FANCD2OS: variants seen among roughly 807,000 people sequenced by gnomAD.
FANCD2OS encodes FANCD2 opposite strand.
FANCD2OS carries 11 observed loss-of-function variants against 13.2 expected under a neutral mutation model. That is an observed-to-expected ratio of 0.83 (90% CI 0.52 to 1.38). The LOEUF is 1.38. Among genes scored for constraint, FANCD2OS ranks in the 40% most tolerant of loss-of-function variants. The pLI, the probability that FANCD2OS is intolerant of heterozygous loss-of-function variation, is 0.00. For synonymous variants in FANCD2OS, 69 were observed against 84.5 expected (o/e 0.82, Z 1.01); for missense variants, 217 against 213.9 (o/e 1.01, Z -0.09).
At chr3:10,088,643 G>GA (rs1333177247) in intron 2 of FANCD2OS, 2 of 1,093,720 alleles carry the variant, frequency 1.8e-6, no homozygotes, top group African/African-American at 3.1e-5. Context: ...GTGGGAATTT[G>GA]AAAACAATGA....
Position 10,104,056 on chromosome 3 carries a change from T to A in FANCD2OS, c.*185A>T, listed in dbSNP as rs1695399524. On this transcript the variant is annotated 3_prime_UTR_variant, in exon 2 of 2. Coordinates refer to ENST00000450660, the MANE Select transcript of FANCD2OS (RefSeq NM_001164839.2). Reference sequence around the variant, plus strand: ...TTACAATGGGAATGTTCTTCCTTGTTCTCTATCATTGGTCCTTTTTTGGAG... The same window carrying A: ...TTACAATGGGAATGTTCTTCCTTGTACTCTATCATTGGTCCTTTTTTGGAG... 3.4e-6 allele frequency: 2 copies of A among 594,552 alleles called. No individual in the cohort carries two copies. The highest frequency in any genetic ancestry group is 3.4e-5 in the Admixed American group (1 of 29,840). The allele number at this position is 594,552 out of a possible 1,614,324, so 36.8% of individuals were successfully genotyped here. A position where few individuals can be genotyped will look rare whatever the true frequency, so the allele number is the denominator to read the frequency against.
At chr3:10,103,359 G>A (rs1196997606), downstream of FANCD2OS, among the ~76,000 whole-genome samples, 1 of 152,194 alleles carries the variant, frequency 6.6e-6, no homozygotes, top group East Asian at 1.9e-4. Context: ...CCGAGATGGC[G>A]CCACTGCACT....
chr3:10,091,931 G>A (rs972116937), intron 2 of FANCD2OS, among the ~76,000 whole-genome samples: 1 of 152,120 alleles, frequency 6.6e-6, no homozygotes, highest in Non-Finnish European at 1.5e-5. Context: ...TGTTGCAAAG[G>A]CTTTTACTTA....
At position 10,094,389 on chromosome 3, in the gene FANCD2OS, G is replaced by A. The variant is rs35678855; in HGVS notation, c.*43+9809C>T. Reference sequence around the variant, plus strand: ...GTAAGAGCTAAGAGCAGAGAACAAAGATATGCACTGAAGAGTTGCTCAGAA... The same window carrying A: ...GTAAGAGCTAAGAGCAGAGAACAAAAATATGCACTGAAGAGTTGCTCAGAA... On this transcript the variant is annotated intron_variant, in intron 2 of 2. Transcript: ENST00000524279. The A allele has an allele frequency of 5.8e-4, 921 of 1,583,902 alleles. 9 individuals carry two copies. The East Asian group carries it at 0.017, about 30-fold the overall frequency.
At chr3:10,085,172 T>C (rs1407030111) in intron 2 of FANCD2OS, among the ~76,000 whole-genome samples, 1 of 152,124 alleles carries the variant, frequency 6.6e-6, no homozygotes, top group Non-Finnish European at 1.5e-5. Flanking sequence ...ATCTCTAAAA[T>C]ATAGGGAATG....
chr3:10,093,320 G>A lies in FANCD2OS; in HGVS notation c.*43+10878C>T, dbSNP rs759280640. 2.5e-6 allele frequency: 4 copies of A among 1,611,780 alleles called. No individual in the cohort carries two copies. In the South Asian group the frequency reaches 4.4e-5, roughly 18 times the overall value. ...GTCATCCTGTTCTGCATGTATGTTT[G>A]AAGGTGAGAGATTTACTGGGCCCTG... On this transcript the variant is annotated intron_variant, in intron 2 of 2. Transcript: ENST00000524279.
intron 2 of FANCD2OS, among the ~76,000 whole-genome samples, chr3:10,091,007 C>T (rs962639436): frequency 6.6e-6 from 1 of 151,842 alleles, no homozygotes; most frequent in African/African-American, 2.4e-5. Flanking sequence ...GCCTGCTAAC[C>T]AGAACGGAGC....
In FANCD2OS at chr3:10,088,626, C is replaced by CT. The variant is rs1243204479; in HGVS notation, c.*44-7096dup. Reference sequence around the variant, plus strand: ...GTTTGTCAGAGACTGGACAAATGACCTTTTTAGTGGGAATTTGAAAACAAT... The same window carrying CT: ...GTTTGTCAGAGACTGGACAAATGACCTTTTTTAGTGGGAATTTGAAAACAAT... On this transcript the variant is annotated intron_variant, in intron 2 of 2. Transcript: ENST00000524279. 1.1e-5 allele frequency: 13 copies of CT among 1,146,184 alleles called. No homozygotes were observed. The Admixed American group carries it at 2.3e-4, about 21-fold the overall frequency. The allele number at this position is 1,146,184 out of a possible 1,614,324, so 71.0% of individuals were successfully genotyped here.
rs996626155 is a variant in FANCD2OS, at chr3:10,108,114, C to G, written c.-108G>C. On this transcript the variant is annotated 5_prime_UTR_variant, in exon 1 of 2. Transcript: ENST00000450660. ...CTGCCGAGAGTGCGAGAGGCTCCCA[C>G]TCCCCGCCGGAAGAAGGGGCTTGGG... The G allele has an allele frequency of 1.3e-5, 2 of 152,390 alleles. No individual in the cohort carries two copies. Among genetic ancestry groups the G allele is most frequent in the African/African-American group, 4.8e-5 (2 of 41,456 alleles). The allele number at this position is 152,390 out of a possible 1,614,324, so 9.4% of individuals were successfully genotyped here.
intron 2 of FANCD2OS, among the ~76,000 whole-genome samples, chr3:10,097,818 C>T (rs7622679): frequency 0.026 from 3,963 of 152,208 alleles, 182 homozygotes; most frequent in African/African-American, 0.091. Context: ...TTAGAGATTA[C>T]AGTAAAGACA....
chr3:10,084,665 A>G (rs1694071539), intron 2 of FANCD2OS, among the ~76,000 whole-genome samples: 1 of 152,200 alleles, frequency 6.6e-6, no homozygotes, highest in African/African-American at 2.4e-5. Context: ...AAGCTATGGT[A>G]GACCAAAAAC....
At chr3:10,090,740 G>C (rs1405652966) in intron 2 of FANCD2OS, among the ~76,000 whole-genome samples, 1 of 152,192 alleles carries the variant, frequency 6.6e-6, no homozygotes, top group Non-Finnish European at 1.5e-5. Context: ...TTACAGACGT[G>C]CGCCACTGCG....
Position 10,104,769 on chromosome 3 carries a change from T to A in FANCD2OS, c.6A>T (p.Ala2=), listed in dbSNP as rs1278712873. The change falls in exon 2 of 2, where the codon GCA becomes GCT. Residue 2 remains alanine (A), a synonymous_variant. Transcript: ENST00000450660. M[A]GYQLWSPWTP... Reference sequence around the variant, plus strand: ...TCCATGGTGACCAGAGCTGGTATCCTGCCATTGACAGTCCTAAAGGAGGGA... The same window carrying A: ...TCCATGGTGACCAGAGCTGGTATCCAGCCATTGACAGTCCTAAAGGAGGGA... 8 of 1,575,900 alleles carry A rather than the reference T, an allele frequency of 5.1e-6. No individual in the cohort carries two copies. The South Asian group carries it at 9.4e-5, about 19-fold the overall frequency.
At chr3:10,094,142 A>AAAT in intron 2 of FANCD2OS, 1 of 678,774 alleles carries the variant, frequency 1.5e-6, no homozygotes. Flanking sequence ...TACATTCTCC[A>AAAT]AATAAACCTT....
chr3:10,081,449 A>G lies in FANCD2OS; in HGVS notation c.*126T>C, dbSNP rs759516610. Reference sequence around the variant, plus strand: ...TATCAGAGGCTGCTGCAGATTTTTCATGGGCTTTTTGCTTGGTAAGTATGT... The same window carrying G: ...TATCAGAGGCTGCTGCAGATTTTTCGTGGGCTTTTTGCTTGGTAAGTATGT... On this transcript the variant is annotated 3_prime_UTR_variant, in exon 3 of 3. Transcript: ENST00000524279. 13 of 1,612,856 alleles carry G rather than the reference A, an allele frequency of 8.1e-6. No individual in the cohort carries two copies. The highest frequency in any genetic ancestry group is 1.7e-5 in the Admixed American group (1 of 59,992).
intron 2 of FANCD2OS, among the ~76,000 whole-genome samples, chr3:10,096,933 C>G (rs1209879936): frequency 6.6e-6 from 1 of 152,000 alleles, no homozygotes; most frequent in Non-Finnish European, 1.5e-5. Flanking sequence ...TTCTATTTTC[C>G]TAAGTGTCAG....
Position 10,093,306 on chromosome 3 carries a change from C to T in FANCD2OS, c.*43+10892G>A, listed in dbSNP as rs771698231. 2.2e-5 allele frequency: 35 copies of T among 1,613,200 alleles called. No homozygotes were observed. The highest frequency in any genetic ancestry group is 2.9e-5 in the Non-Finnish European group (34 of 1,179,270). ...CCAGGTATTTGATAGTCATCCTGTTCTGCATGTATGTTTGAAGGTGAGAGA... is the reference window on the plus strand; with the variant it reads ...CCAGGTATTTGATAGTCATCCTGTTTTGCATGTATGTTTGAAGGTGAGAGA... On this transcript the variant is annotated intron_variant, in intron 2 of 2. Coordinates refer to the FANCD2OS transcript ENST00000524279.
At chr3:10,104,845 T>C in intron 1 of FANCD2OS, 63 bp from the exon 2 acceptor site, 1 of 1,423,978 alleles carries the variant, frequency 7.0e-7, no homozygotes, top group Non-Finnish European at 9.4e-7. Flanking sequence ...GCATGGCCTT[T>C]CAAATTCCCA....
chr3:10,104,439 T>C lies in FANCD2OS; in HGVS notation c.336A>G (p.Pro112=), dbSNP rs1463967553. The change falls in exon 2 of 2, where the codon CCA becomes CCG. Residue 112 remains proline, a synonymous_variant. Coordinates refer to ENST00000450660, the MANE Select transcript of FANCD2OS (RefSeq NM_001164839.2). ...VFGRVITAQP[P]KWTGTFRVSD... is the part of the protein sequence containing the mutation. ...AAACTCTGAAAGTCCCGGTCCACTT[T>C]GGTGGCTGAGCTGTGATAACCCTGC... The C allele has an allele frequency of 3.7e-6, 6 of 1,614,074 alleles. No homozygotes were observed. Among genetic ancestry groups the C allele is most frequent in the Non-Finnish European group, 5.1e-6 (6 of 1,180,040 alleles).
Sources: gnomAD v4.1 joint callset for allele counts (sites outside exome capture counted in the v4.1 genomes callset) on GRCh38, gnomAD v4.1.1 for gene constraint, MANE v1.5 for transcripts, NCBI Gene and HGNC (gene_info 2026-07-23, HGNC 2026-07-21) for gene names.